Variants in CNTRL observed in about 807,000 individuals in gnomAD.
The protein encoded by CNTRL is centriolin.
Under a neutral mutation model 303.7 loss-of-function variants are expected in CNTRL, and 233 were observed. That is an observed-to-expected ratio of 0.77 (90% CI 0.69 to 0.86). The LOEUF (loss-of-function observed/expected upper bound fraction) is 0.86. Among genes scored for constraint, CNTRL ranks in the 40% least tolerant of loss-of-function variants. The pLI, the probability that CNTRL is intolerant of heterozygous loss-of-function variation, is 0.00. For missense variants in CNTRL, 2,524 were observed against 2,650.6 expected, an observed-to-expected ratio of 0.95 and a Z score of 1.05; for synonymous variants, 900 against 922.2, an observed-to-expected ratio of 0.98 and a Z score of 0.44.
At chr9:121,116,716 CTGAG>C (rs2049992751) in intron 11 of CNTRL, among the ~76,000 whole-genome samples, 1 of 152,146 alleles carries the variant, frequency 6.6e-6, no homozygotes, top group Admixed American at 6.5e-5. Flanking sequence ...GTGAAATGGA[CTGAG>C]TGAGATGGAA....
rs536553343 is a variant in CNTRL, at chr9:121,079,124, T to A, written c.-204-1182T>A. On this transcript the variant is annotated intron_variant, in intron 1 of 43. Coordinates refer to ENST00000373855, the MANE Select transcript of CNTRL (RefSeq NM_007018.6). ...TTAGTATACAAAAAGACACTTACGA[T>A]AGCAAAAGGGACTAAGACTAAGTAT... is the stretch of plus-strand genomic sequence containing the variant. 7.9e-5 allele frequency among the ~76,000 whole-genome samples: 12 copies of A among 152,226 alleles called. No individual in the cohort carries two copies. The South Asian group carries it at 2.5e-3, about 32-fold the overall frequency.
At chr9:121,094,035 G>A (rs939541973) in intron 4 of CNTRL, among the ~76,000 whole-genome samples, 3 of 152,040 alleles carry the variant, frequency 2.0e-5, no homozygotes, top group South Asian at 2.1e-4. Flanking sequence ...GCTTGAACCC[G>A]AGAGGCAGAG....
intron 35 of CNTRL, 125 bp from the exon 36 acceptor site, chr9:121,165,982 G>C (rs2053074122): frequency 5.8e-6 from 4 of 691,916 alleles, no homozygotes; most frequent in Non-Finnish European, 1.0e-5. Context: ...GAGATAGTGT[G>C]GCATAGTCAT....
chr9:121,150,951 A>T (rs963568471), intron 25 of CNTRL, among the ~76,000 whole-genome samples: 1 of 152,240 alleles, frequency 6.6e-6, no homozygotes, highest in Non-Finnish European at 1.5e-5. Context: ...GTACTTGTAC[A>T]CATACATATA....
intron 26 of CNTRL, 97 bp downstream of exon 26, chr9:121,152,790 T>G: frequency 1.0e-6 from 1 of 995,052 alleles, no homozygotes; most frequent in Non-Finnish European, 1.5e-6. Flanking sequence ...TTCTTGATCT[T>G]CTGTCCAAAA....
chr9:121,096,917 C>T (rs1044701412), intron 6 of CNTRL, among the ~76,000 whole-genome samples: 1 of 150,970 alleles, frequency 6.6e-6, no homozygotes, highest in Non-Finnish European at 1.5e-5. Context: ...TATCTAGAGT[C>T]ACATTTTGTG....
chr9:121,158,386 A>C (rs1436063768), intron 30 of CNTRL, among the ~76,000 whole-genome samples: 3 of 152,058 alleles, frequency 2.0e-5, no homozygotes, highest in African/African-American at 7.2e-5. Flanking sequence ...AAAAGTGGTC[A>C]TCTGATAAGG....
chr9:121,088,903 G>A (rs1041171181), intron 3 of CNTRL, among the ~76,000 whole-genome samples: 3 of 152,240 alleles, frequency 2.0e-5, no homozygotes, highest in Non-Finnish European at 2.9e-5. Context: ...TACATACTTG[G>A]CCTATGCCAG....
chr9:121,137,751 C>G (rs2051275826), intron 15 of CNTRL, among the ~76,000 whole-genome samples: 1 of 152,042 alleles, frequency 6.6e-6, no homozygotes, highest in African/African-American at 2.4e-5. Context: ...AATAAAATTT[C>G]TAGATGGCAT....
chr9:121,167,720 G>T, intron 37 of CNTRL, 43 bp downstream of exon 37: 2 of 1,543,558 alleles, frequency 1.3e-6, no homozygotes, highest in Non-Finnish European at 1.8e-6. Context: ...GCATTTTGTG[G>T]CTCATGTGAG....
At chr9:121,088,034 T>G (rs975620721) in intron 2 of CNTRL, among the ~76,000 whole-genome samples, 2 of 152,170 alleles carry the variant, frequency 1.3e-5, no homozygotes, top group African/African-American at 4.8e-5. Flanking sequence ...TGGGACTAGT[T>G]TGGTTCAATA....
intron 36 of CNTRL, among the ~76,000 whole-genome samples, chr9:121,166,553 C>T (rs2053099689): frequency 6.6e-6 from 1 of 152,146 alleles, no homozygotes; most frequent in Non-Finnish European, 1.5e-5. Flanking sequence ...ACTCCTTGAG[C>T]CATAGAGTAC....
At chr9:121,081,418 C>CTAT (rs2048137042) in intron 2 of CNTRL, among the ~76,000 whole-genome samples, 1 of 152,152 alleles carries the variant, frequency 6.6e-6, no homozygotes, top group Non-Finnish European at 1.5e-5. Flanking sequence ...ACACTGTCTG[C>CTAT]CTGAAGATAG....
intron 12 of CNTRL, among the ~76,000 whole-genome samples, chr9:121,120,947 C>T (rs1367953404): frequency 6.6e-6 from 1 of 152,106 alleles, no homozygotes; most frequent in Non-Finnish European, 1.5e-5. Context: ...GTTTATCCAG[C>T]GGGAACATCT....
Position 121,115,200 on chromosome 9 carries a change from G to T in CNTRL, c.1455G>T (p.Lys485Asn). Residue 485 changes from lysine to asparagine, a missense_variant and splice_region_variant, in exon 11 of 44, where the codon AAG (lysine) becomes AAT (asparagine). Lys to Asn is a moderately conservative substitution (Grantham distance 94, BLOSUM62 0). Coordinates refer to ENST00000373855, the MANE Select transcript of CNTRL (RefSeq NM_007018.6). The part of the protein sequence containing the change: ...KQLEEAIQLK[K>N]ISEAGKDLLY... ...TGGAAGAAGCTATACAACTAAAAAA[G>T]GTATGTAAAAGCAAAGCAGCAATGC... 1 of 1,528,328 alleles carries T rather than the reference G, an allele frequency of 6.5e-7. No homozygotes were observed. Among genetic ancestry groups the T allele is most frequent in the East Asian group, 2.3e-5 (1 of 43,938 alleles). The allele number at this position is 1,528,328 out of a possible 1,614,324, so 94.7% of individuals were successfully genotyped here. A position where few individuals can be genotyped will look rare whatever the true frequency, so the allele number is the denominator to read the frequency against.
Position 121,098,432 on chromosome 9 carries a change from T to G in CNTRL, c.668T>G (p.Leu223Arg). The G allele has an allele frequency of 1.2e-6, 2 of 1,613,688 alleles. No individual in the cohort carries two copies. Among genetic ancestry groups the G allele is most frequent in the Non-Finnish European group, 1.7e-6 (2 of 1,179,630 alleles). The change falls in exon 7 of 44, where the codon CTG becomes CGG. Residue 223 changes from leucine (L) to arginine (R), a missense_variant. Leu to Arg is a moderately radical substitution (Grantham distance 102). Coordinates refer to ENST00000373855, the MANE Select transcript of CNTRL (RefSeq NM_007018.6). ...KLKPLQDLIS[L>R]ILVENPVVTL... ...AAACCGCTTCAAGATTTGATTTCTC[T>G]GATCCTAGTTGAAAATCCAGTTGTG...
intron 40 of CNTRL, 94 bp downstream of exon 40, chr9:121,171,642 A>C: frequency 7.9e-7 from 1 of 1,271,394 alleles, no homozygotes; most frequent in Middle Eastern, 2.8e-4. Context: ...CTTCTATAGT[A>C]GTATAGAAAA....
At chr9:121,104,592 G>C (rs2132860404) in intron 7 of CNTRL, among the ~76,000 whole-genome samples, 1 of 151,970 alleles carries the variant, frequency 6.6e-6, no homozygotes, top group East Asian at 1.9e-4. Flanking sequence ...AGATAGACTG[G>C]AGGACAGCTC....
At chr9:121,077,056 A>G (rs2047953352) in intron 1 of CNTRL, among the ~76,000 whole-genome samples, 1 of 152,080 alleles carries the variant, frequency 6.6e-6, no homozygotes, top group African/African-American at 2.4e-5. Flanking sequence ...TGCAGTCTGT[A>G]CTAAGCTGTG....
Sources: allele counts gnomAD v4.1 joint callset (sites outside exome capture counted in the v4.1 genomes callset), GRCh38; gene constraint gnomAD v4.1.1; transcripts MANE v1.5; gene names NCBI Gene and HGNC (gene_info 2026-07-23, HGNC 2026-07-21).